The following PTPRM variants were observed in gnomAD, a reference collection of about 807,000 sequenced individuals.
The protein encoded by PTPRM is protein tyrosine phosphatase receptor type M.
A neutral mutation model predicts 186.7 loss-of-function variants in PTPRM; 47 were observed. The observed-to-expected ratio is 0.25, with a 90% CI of 0.20 to 0.32. The LOEUF (loss-of-function observed/expected upper bound fraction) is 0.32, where lower values mean the gene tolerates loss of function less well. Ranked by LOEUF, PTPRM falls within the 10% of genes least tolerant of loss-of-function variation. PTPRM has a pLI of 1.00. For missense variants in PTPRM, 1,494 were observed against 1,865.0 expected (o/e 0.80, Z 3.66); for synonymous variants, 668 against 674.9 (o/e 0.99, Z 0.16).
At chr18:7,826,015 G>T (rs1193788533) in intron 2 of PTPRM, among the ~76,000 whole-genome samples, 1 of 152,100 alleles carries the variant, frequency 6.6e-6, no homozygotes, top group Non-Finnish European at 1.5e-5. Flanking sequence ...GTTAACAGTG[G>T]CTCTCAGAGC....
chr18:8,105,533 C>T (rs1182763055), intron 11 of PTPRM, among the ~76,000 whole-genome samples: 1 of 152,188 alleles, frequency 6.6e-6, no homozygotes, highest in Admixed American at 6.5e-5. Context: ...ATTTAACTTT[C>T]CCTCAAACTC....
intron 22 of PTPRM, among the ~76,000 whole-genome samples, chr18:8,323,410 A>G (rs1292868953): frequency 1.3e-5 from 2 of 152,168 alleles, no homozygotes; most frequent in Non-Finnish European, 2.9e-5. Context: ...TTTCTAAGTT[A>G]TGATGCTTCT....
At chr18:7,876,606 T>G (rs1299587742) in intron 2 of PTPRM, among the ~76,000 whole-genome samples, 1 of 152,192 alleles carries the variant, frequency 6.6e-6, no homozygotes, top group Non-Finnish European at 1.5e-5. Flanking sequence ...CTGGGAAGGC[T>G]GAATCCTGCT....
intron 1 of PTPRM, chr18:7,749,362 G>A (rs1238063196): frequency 6.7e-6 from 1 of 149,410 alleles, no homozygotes; most frequent in East Asian, 1.9e-4. Flanking sequence ...TTTTTTTTTG[G>A]TCAAGCTGTT....
At chr18:7,595,850 G>C (rs980874978) in intron 1 of PTPRM, among the ~76,000 whole-genome samples, 13 of 152,116 alleles carry the variant, frequency 8.5e-5, no homozygotes, top group African/African-American at 2.9e-4. Context: ...TATTTACGTA[G>C]AACAAATCAC....
intron 1 of PTPRM, among the ~76,000 whole-genome samples, chr18:7,722,156 C>T (rs1264570184): frequency 6.6e-6 from 1 of 152,176 alleles, no homozygotes; most frequent in African/African-American, 2.4e-5. Context: ...TGCTTATTCA[C>T]CCTTTTGTCC....
chr18:7,922,887 C>T (rs1395156220), intron 4 of PTPRM, among the ~76,000 whole-genome samples: 1 of 151,974 alleles, frequency 6.6e-6, no homozygotes, highest in African/African-American at 2.4e-5. Flanking sequence ...GGGATGTTTC[C>T]GTAAACTTGT....
chr18:7,847,553 A>C (rs1377689427), intron 2 of PTPRM, among the ~76,000 whole-genome samples: 1 of 152,128 alleles, frequency 6.6e-6, no homozygotes, highest in East Asian at 1.9e-4. Flanking sequence ...GCATAGCTGG[A>C]TCCAGCAGCT....
At chr18:8,052,302 T>C (rs1360825334) in intron 7 of PTPRM, among the ~76,000 whole-genome samples, 3 of 152,188 alleles carry the variant, frequency 2.0e-5, no homozygotes, top group Non-Finnish European at 4.4e-5. Flanking sequence ...TAGAGAGTTT[T>C]ATAGGGTCAT....
chr18:8,328,663 G>A (rs181793215), intron 22 of PTPRM, among the ~76,000 whole-genome samples: 11 of 152,300 alleles, frequency 7.2e-5, no homozygotes, highest in Admixed American at 6.5e-4. Context: ...TTTATATACA[G>A]GCGAACAGTG....
chr18:8,229,866 G>A (rs1335799116), intron 14 of PTPRM, among the ~76,000 whole-genome samples: 1 of 148,872 alleles, frequency 6.7e-6, no homozygotes, highest in East Asian at 2.0e-4. Flanking sequence ...AAGAGATCCT[G>A]ACAGTTACTT....
In PTPRM at chr18:7,774,246, G is replaced by T; in HGVS notation, c.171G>T (p.Pro57=). The T allele has an allele frequency of 1.2e-6, 2 of 1,613,952 alleles. No individual in the cohort carries two copies. Among genetic ancestry groups the T allele is most frequent in the South Asian group, 2.2e-5 (2 of 91,048 alleles). The change falls in exon 2 of 33, where the codon CCG becomes CCT. Residue 57 remains proline (P), a synonymous_variant. Coordinates refer to ENST00000580170, the MANE Select transcript of PTPRM (RefSeq NM_001105244.2). ...AGCAAGTGAACACCTTGACTAAACC[G>T]ACTTCTGATCCATGGATGCCATCAG... ...NWEQVNTLTK[P]TSDPWMPSGS... is the part of the protein sequence containing the mutation.
At chr18:8,403,608 C>T (rs1347970873) in intron 32 of PTPRM, 1 of 152,168 alleles carries the variant, frequency 6.6e-6, no homozygotes, top group Non-Finnish European at 1.5e-5. Context: ...GTGTGTCATT[C>T]ACTGGTTTTC....
intron 1 of PTPRM, among the ~76,000 whole-genome samples, chr18:7,592,002 G>T (rs28436722): frequency 6.6e-6 from 1 of 152,086 alleles, no homozygotes; most frequent in South Asian, 2.1e-4. Context: ...AGAAAACTTT[G>T]AAGTTTATTT....
chr18:7,629,743 C>T (rs1390178191), intron 1 of PTPRM, among the ~76,000 whole-genome samples: 1 of 152,064 alleles, frequency 6.6e-6, no homozygotes, highest in Non-Finnish European at 1.5e-5. Context: ...CATAGGGTAA[C>T]CAGATTTTGT....
At chr18:8,299,937 A>G (rs552409392) in intron 20 of PTPRM, among the ~76,000 whole-genome samples, 56 of 152,246 alleles carry the variant, frequency 3.7e-4, no homozygotes, top group Admixed American at 1.0e-3. Context: ...CCCAGGGCAC[A>G]TTTCTACCAC....
At chr18:7,675,910 T>A (rs1011696408) in intron 1 of PTPRM, among the ~76,000 whole-genome samples, 6 of 152,232 alleles carry the variant, frequency 3.9e-5, no homozygotes, top group African/African-American at 1.4e-4. Context: ...AATCTTTTTG[T>A]ATTTTTAGTA....
At chr18:8,107,513 A>G (rs940588238) in intron 11 of PTPRM, among the ~76,000 whole-genome samples, 2 of 152,234 alleles carry the variant, frequency 1.3e-5, no homozygotes, top group African/African-American at 4.8e-5. Context: ...TAACTAGCAG[A>G]GCAGCAGGGT....
intron 5 of PTPRM, among the ~76,000 whole-genome samples, chr18:7,934,899 A>G (rs894308616): frequency 6.6e-6 from 1 of 152,228 alleles, no homozygotes; most frequent in African/African-American, 2.4e-5. Context: ...GTATCATGTA[A>G]TTTAAATGAT....
Sources: allele counts gnomAD v4.1 joint callset (sites outside exome capture counted in the v4.1 genomes callset), GRCh38; gene constraint gnomAD v4.1.1; transcripts MANE v1.5; gene names NCBI Gene and HGNC (gene_info 2026-07-23, HGNC 2026-07-21).